The following BCO2 variants were observed in gnomAD, a reference collection of about 807,000 sequenced individuals.
BCO2 encodes carotenoid-cleaving dioxygenase, mitochondrial.
Under a neutral mutation model 65.8 loss-of-function variants are expected in BCO2, and 56 were observed. That is an observed-to-expected ratio of 0.85 (90% CI 0.69 to 1.06). The LOEUF is 1.06. BCO2 is among the 50% of genes least tolerant of loss of function. The probability of loss-of-function intolerance (pLI) is 0.00; values close to 1 mark genes in which losing one functional copy is unlikely to be tolerated. For synonymous variants in BCO2, 233 were observed against 242.3 expected (o/e 0.96, Z 0.36); for missense variants, 675 against 698.5 (o/e 0.97, Z 0.38).
At chr11:112,200,375 A>G (rs1032097277) in intron 6 of BCO2, 7 of 348,938 alleles carry the variant, frequency 2.0e-5, no homozygotes, top group Admixed American at 9.2e-5. Context: ...AAGGAAAAAA[A>G]GATAAAAAGC....
intron 8 of BCO2, among the ~76,000 whole-genome samples, chr11:112,205,424 A>G (rs1867841449): frequency 6.6e-6 from 1 of 152,142 alleles, no homozygotes; most frequent in African/African-American, 2.4e-5. Context: ...ACCTTTTTAT[A>G]TGCCTATTGG....
Position 112,193,910 on chromosome 11 carries a change from G to A in BCO2, c.549G>A (p.Val183=). The A allele has an allele frequency of 6.2e-7, 1 of 1,611,180 alleles. No homozygotes were observed. Among genetic ancestry groups the A allele is most frequent in the Non-Finnish European group, 8.5e-7 (1 of 1,177,434 alleles). ...AMTDNTNVNY[V]RYKGDYYLCT... The stretch of plus-strand genomic sequence containing the variant: ...CTGACAATACTAATGTCAACTATGT[G>A]CGGTACAAGGGTGATTACTACCTCT... Residue 183 remains valine (V), a synonymous_variant, in exon 4 of 12, where the codon GTG becomes GTA. Coordinates refer to ENST00000357685, the MANE Select transcript of BCO2 (RefSeq NM_031938.7).
intron 2 of BCO2, among the ~76,000 whole-genome samples, chr11:112,188,925 A>G (rs1372294503): frequency 6.6e-6 from 1 of 152,208 alleles, no homozygotes; most frequent in Non-Finnish European, 1.5e-5. Context: ...CTTGAGACAC[A>G]ATCTAACAAG....
At chr11:112,176,136 T>C (rs1866874053) in intron 1 of BCO2, 1 of 156,168 alleles carries the variant, frequency 6.4e-6, no homozygotes, top group Non-Finnish European at 1.4e-5. Flanking sequence ...TGTATAGAAA[T>C]TGGCTGATCT....
At position 112,213,800 on chromosome 11, in the gene BCO2, G is replaced by A; in HGVS notation, c.1271G>A (p.Gly424Glu). 1 of 1,613,388 alleles carries A rather than the reference G, an allele frequency of 6.2e-7. No homozygotes were observed. The highest frequency in any genetic ancestry group is 1.1e-5 in the South Asian group (1 of 91,044). ...PLNVSLNAPE[G>E]DNLSPLSYTS... ...AATGTCAGTTTGAATGCCCCTGAGG[G>A]AGACAACCTGAGTCCATTGTCCTAT... Residue 424 changes from glycine to glutamate, a missense_variant, in exon 9 of 12, where the codon GGA (glycine) becomes GAA (glutamate). By Grantham distance (98) the Gly-to-Glu change is moderately conservative (BLOSUM62 -2). Coordinates refer to ENST00000357685, the MANE Select transcript of BCO2 (RefSeq NM_031938.7).
intron 2 of BCO2, among the ~76,000 whole-genome samples, chr11:112,180,164 ATACT>A (rs1866995382): frequency 6.6e-6 from 1 of 152,160 alleles, no homozygotes; most frequent in Non-Finnish European, 1.5e-5. Flanking sequence ...TTACTCTATA[ATACT>A]TAATACAATG....
At position 112,200,619 on chromosome 11, in the gene BCO2, C is replaced by G; in HGVS notation, c.872C>G (p.Thr291Arg). 1.2e-6 allele frequency: 2 copies of G among 1,602,960 alleles called. No homozygotes were observed. Among genetic ancestry groups the G allele is most frequent in the Non-Finnish European group, 1.7e-6 (2 of 1,176,928 alleles). ...KPSYYHSFGM[T>R]RNYIIFIEQP... ...GTTTGCTGGAACCTTTTAGGAATGA[C>G]AAGGAACTATATAATTTTCATTGAA... is the stretch of plus-strand genomic sequence containing the variant. Residue 291 changes from threonine to arginine, a missense_variant, in exon 7 of 12, where the codon ACA becomes AGA. Transcript: ENST00000357685.
intron 8 of BCO2, among the ~76,000 whole-genome samples, chr11:112,207,210 G>T (rs1237183984): frequency 6.6e-6 from 1 of 152,156 alleles, no homozygotes; most frequent in African/African-American, 2.4e-5. Context: ...GAATAGAAGT[G>T]CAAGATAGTG....
At chr11:112,175,851 A>C (rs1866868496) in intron 1 of BCO2, 162 bp downstream of exon 1, 1 of 554,660 alleles carries the variant, frequency 1.8e-6, no homozygotes, top group African/African-American at 1.9e-5. Context: ...AAGTTAAAGA[A>C]GGCTGAGTTA....
rs1867482918 is a variant in BCO2, at chr11:112,193,993, A to T, written c.632A>T (p.Lys211Met). The change falls in exon 4 of 12, where the codon AAG (lysine) becomes ATG (methionine). Residue 211 changes from lysine (K) to methionine (M), a missense_variant and splice_region_variant. Coordinates refer to ENST00000357685, the MANE Select transcript of BCO2 (RefSeq NM_031938.7). Reference protein sequence around the residue: ...VDIETLEKTEKVDWSKFIAVN... With the variant: ...VDIETLEKTEMVDWSKFIAVN... Reference sequence around the variant, plus strand: ...ATTGAAACTCTGGAAAAAACAGAAAAGGTAAAGTACAGGTAAAAAAAAATG... The same window carrying T: ...ATTGAAACTCTGGAAAAAACAGAAATGGTAAAGTACAGGTAAAAAAAAATG... 6.6e-7 allele frequency: 1 copy of T among 1,525,426 alleles called. No individual in the cohort carries two copies. The highest frequency in any genetic ancestry group is 2.2e-5 in the East Asian group (1 of 44,470). 94.5% of individuals were successfully genotyped at this position (1,525,426 alleles called of 1,614,324 possible). A position where few individuals can be genotyped will look rare whatever the true frequency, so the allele number is the denominator to read the frequency against.
chr11:112,205,087 C>G (rs1363847656), intron 8 of BCO2, among the ~76,000 whole-genome samples: 2 of 152,198 alleles, frequency 1.3e-5, no homozygotes, highest in African/African-American at 4.8e-5. Context: ...GGCTTCCAGT[C>G]AACAATAGTT....
At position 112,193,911 on chromosome 11, in the gene BCO2, C is replaced by A. The variant is rs200053646; in HGVS notation, c.550C>A (p.Arg184=). 5.0e-6 allele frequency: 8 copies of A among 1,609,654 alleles called. No individual in the cohort carries two copies. In the African/African-American group the frequency reaches 9.4e-5, roughly 19 times the overall value. Residue 184 remains arginine (R), a synonymous_variant, in exon 4 of 12, where the codon CGG becomes AGG. Coordinates refer to ENST00000357685, the MANE Select transcript of BCO2 (RefSeq NM_031938.7). ...TGACAATACTAATGTCAACTATGTG[C>A]GGTACAAGGGTGATTACTACCTCTG... The part of the protein sequence containing the change: ...MTDNTNVNYV[R]YKGDYYLCTE...
At position 112,218,137 on chromosome 11, in the gene BCO2, A is replaced by G. The variant is rs938407159; in HGVS notation, c.*263A>G. On this transcript the variant is annotated 3_prime_UTR_variant, in exon 12 of 12. Coordinates refer to ENST00000357685, the MANE Select transcript of BCO2 (RefSeq NM_031938.7). ...TAAAATAAAAATAAAAAGAAAAACA[A>G]AGAATGTACTCTATACAAAAGACAG... 6.1e-5 allele frequency: 19 copies of G among 312,162 alleles called. No homozygotes were observed. Among genetic ancestry groups the G allele is most frequent in the Non-Finnish European group, 1.1e-4 (19 of 169,624 alleles). The allele number at this position is 312,162 out of a possible 1,614,324, so 19.3% of individuals were successfully genotyped here.
rs1303584082 is a variant in BCO2, at chr11:112,193,692, C to G, written c.512C>G (p.Ala171Gly). 11 of 1,612,814 alleles carry G rather than the reference C, an allele frequency of 6.8e-6. No homozygotes were observed. The highest frequency in any genetic ancestry group is 1.6e-4 in the Middle Eastern group (1 of 6,084). Residue 171 changes from alanine (A) to glycine (G), a missense_variant, in exon 3 of 12, where the codon GCT becomes GGT. Transcript: ENST00000357685. ...TCCAGGTTTGAGCTGCCTGGTAAAG[C>G]TGCAGGTGATAGTGATGATTATTTA... Reference protein sequence around the residue: ...FMSRFELPGKAAAMTDNTNVN... With the variant: ...FMSRFELPGKGAAMTDNTNVN...
At chr11:112,180,852 T>C (rs1460039113) in intron 2 of BCO2, 2 of 1,068,974 alleles carry the variant, frequency 1.9e-6, no homozygotes, top group East Asian at 2.4e-5. Context: ...TTATCTGATT[T>C]GCTTTCTGTG....
chr11:112,184,789 C>G (rs1867157907), intron 2 of BCO2, among the ~76,000 whole-genome samples: 1 of 151,970 alleles, frequency 6.6e-6, no homozygotes, highest in African/African-American at 2.4e-5. Flanking sequence ...GACCTGGTGT[C>G]CTTATTTCTA....
At chr11:112,190,581 G>C (rs1207942809) in intron 2 of BCO2, among the ~76,000 whole-genome samples, 2 of 152,090 alleles carry the variant, frequency 1.3e-5, no homozygotes, top group African/African-American at 4.8e-5. Flanking sequence ...GTTTGGCTGG[G>C]CGCAGTGGCT....
chr11:112,180,785 A>G, intron 2 of BCO2: 1 of 979,644 alleles, frequency 1.0e-6, no homozygotes, highest in Non-Finnish European at 1.7e-6. Context: ...GAGGCGGATG[A>G]CCCTGTTCCT....
chr11:112,190,668 A>T (rs1256158409), intron 2 of BCO2, among the ~76,000 whole-genome samples: 1 of 152,044 alleles, frequency 6.6e-6, no homozygotes, highest in Non-Finnish European at 1.5e-5. Flanking sequence ...CATCCTGGCT[A>T]ACATGGTGAA....
Sources: allele counts gnomAD v4.1 joint callset (sites outside exome capture counted in the v4.1 genomes callset), GRCh38; gene constraint gnomAD v4.1.1; transcripts MANE v1.5; gene names NCBI Gene and HGNC (gene_info 2026-07-23, HGNC 2026-07-21).